ANK3: variants seen among roughly 807,000 people sequenced by gnomAD.
ANK3 encodes the protein ankyrin 3.
Under a neutral mutation model 370.9 loss-of-function variants are expected in ANK3, and 57 were observed. The observed-to-expected ratio is 0.15, with a 90% CI of 0.12 to 0.19. The LOEUF (loss-of-function observed/expected upper bound fraction) is 0.19. Ranked by LOEUF, ANK3 falls within the 10% of genes least tolerant of loss-of-function variation. ANK3 has a pLI of 1.00. For synonymous variants in ANK3, 1,929 were observed against 1,946.3 expected (o/e 0.99, Z 0.23); for missense variants, 4,439 against 5,302.1 (o/e 0.84, Z 5.06).
chr10:60,492,742 A>AG (rs1188624884), intron 2 of ANK3, among the ~76,000 whole-genome samples: 1 of 148,866 alleles, frequency 6.7e-6, no homozygotes, highest in Non-Finnish European at 1.5e-5. Flanking sequence ...AGAAAGAAAA[A>AG]AAAAAGAAAT....
chr10:60,685,199 T>G, intron 1 of ANK3: 1 of 408,934 alleles, frequency 2.4e-6, no homozygotes, highest in Non-Finnish European at 4.6e-6. Flanking sequence ...AAGCTTTGTA[T>G]TGTTCAATGA....
chr10:60,053,171 G>A (rs1164857580), intron 42 of ANK3, among the ~76,000 whole-genome samples: 1 of 152,178 alleles, frequency 6.6e-6, no homozygotes, highest in African/African-American at 2.4e-5. Context: ...ATTGTGGAAG[G>A]AAGCTTTGCA....
At chr10:60,208,974 G>A (rs972275724) in intron 9 of ANK3, among the ~76,000 whole-genome samples, 4 of 152,160 alleles carry the variant, frequency 2.6e-5, no homozygotes, top group South Asian at 4.1e-4. Flanking sequence ...AGTTAATCAC[G>A]TGCAGTAGGA....
chr10:60,543,012 T>C (rs1203552043), intron 2 of ANK3, among the ~76,000 whole-genome samples: 4 of 152,042 alleles, frequency 2.6e-5, no homozygotes, highest in Non-Finnish European at 5.9e-5. Context: ...GTAATCTTTC[T>C]AGTAAAATGT....
intron 43 of ANK3, among the ~76,000 whole-genome samples, chr10:60,030,501 A>C (rs775249815): frequency 5.9e-5 from 9 of 152,106 alleles, no homozygotes; most frequent in Non-Finnish European, 1.0e-4. Flanking sequence ...CACCCCCAGG[A>C]TGAAGGTCAC....
intron 16 of ANK3, among the ~76,000 whole-genome samples, chr10:60,195,487 T>A (rs560068717): frequency 6.6e-6 from 1 of 152,116 alleles, no homozygotes; most frequent in Non-Finnish European, 1.5e-5. Context: ...TGAAATGGTT[T>A]GCATCATTTC....
chr10:60,084,494 A>G (rs988569196), intron 32 of ANK3, 108 bp downstream of exon 32: 1 of 679,638 alleles, frequency 1.5e-6, no homozygotes, highest in African/African-American at 1.9e-5. Context: ...GTAAAAGTAA[A>G]ATCAATAATG....
intron 1 of ANK3, among the ~76,000 whole-genome samples, chr10:60,363,873 A>T (rs553725127): frequency 1.3e-5 from 2 of 152,256 alleles, no homozygotes; most frequent in East Asian, 3.9e-4. Flanking sequence ...ATAGAAAAAC[A>T]TCGTAAGTTT....
At chr10:60,682,759 G>A (rs1287248645) in intron 1 of ANK3, among the ~76,000 whole-genome samples, 1 of 152,176 alleles carries the variant, frequency 6.6e-6, no homozygotes, top group African/African-American at 2.4e-5. Flanking sequence ...TGTGCCAGGG[G>A]AGGGCTTGGA....
At position 60,329,561 on chromosome 10, in the gene ANK3, G is replaced by A. The variant is rs570891728; in HGVS notation, c.115-49922C>T. 1.4e-4 allele frequency among the ~76,000 whole-genome samples: 22 copies of A among 152,118 alleles called. No homozygotes were observed. In the East Asian group the frequency reaches 4.1e-3, roughly 28 times the overall value. On this transcript the variant is annotated intron_variant, in intron 1 of 43. Coordinates refer to ENST00000280772, the MANE Select transcript of ANK3 (RefSeq NM_020987.5). ...GGTACAAAGAGATTAAAATACCTAGGAATACAACTTACAAGGGATATGAAG... is the reference window on the plus strand; with the variant it reads ...GGTACAAAGAGATTAAAATACCTAGAAATACAACTTACAAGGGATATGAAG...
At chr10:60,679,610 C>T (rs1266077442) in intron 1 of ANK3, among the ~76,000 whole-genome samples, 1 of 152,140 alleles carries the variant, frequency 6.6e-6, no homozygotes, top group Non-Finnish European at 1.5e-5. Context: ...TGCACATGTG[C>T]CCCTCTCAAG....
chr10:60,601,760 T>C (rs1445216400), intron 2 of ANK3, among the ~76,000 whole-genome samples: 1 of 152,140 alleles, frequency 6.6e-6, no homozygotes, highest in Non-Finnish European at 1.5e-5. Flanking sequence ...TTTTGATAAA[T>C]GTGTCATGGT....
chr10:60,702,514 T>C (rs894131391), intron 1 of ANK3, among the ~76,000 whole-genome samples: 1 of 152,174 alleles, frequency 6.6e-6, no homozygotes, highest in Non-Finnish European at 1.5e-5. Context: ...ATTCTGGTGT[T>C]ACTATTCTTT....
chr10:60,123,699 T>C (rs2132144547), intron 25 of ANK3, among the ~76,000 whole-genome samples: 1 of 152,360 alleles, frequency 6.6e-6, no homozygotes, highest in South Asian at 2.1e-4. Flanking sequence ...GACAGGCTAA[T>C]GTTAACAGCA....
intron 1 of ANK3, among the ~76,000 whole-genome samples, chr10:60,332,118 T>G (rs748941582): frequency 1.3e-5 from 2 of 152,182 alleles, no homozygotes; most frequent in Non-Finnish European, 2.9e-5. Context: ...GGACATCAGC[T>G]AGTTACCATT....
upstream of ANK3, chr10:60,389,955 A>T (rs188818385): frequency 3.8e-5 from 24 of 639,772 alleles, no homozygotes; most frequent in Admixed American, 6.9e-4. Context: ...ATGCAGAAGC[A>T]AAAATCCAGC....
At chr10:60,175,398 TC>T (rs1333708119) in intron 18 of ANK3, among the ~76,000 whole-genome samples, 1 of 152,196 alleles carries the variant, frequency 6.6e-6, no homozygotes, top group African/African-American at 2.4e-5. Flanking sequence ...AGCAATTCTT[TC>T]CAATCAGCAG....
rs745795403 is a variant in ANK3 at position 60,270,112 on chromosome 10, G to GAA, written c.513+17_513+18dup. ...TATAAATACGTGAACTCACCCACAG[G>GAA]AAAAAAACAGTATCTTACCTCTGTG... On this transcript the variant is annotated intron_variant, in intron 5 of 43. Transcript: ENST00000280772. 1 of 1,503,892 alleles carries GAA rather than the reference G, an allele frequency of 6.6e-7. No individual in the cohort carries two copies. The highest frequency in any genetic ancestry group is 8.9e-7 in the Non-Finnish European group (1 of 1,118,750). 93.2% of individuals were successfully genotyped at this position (1,503,892 alleles called of 1,614,324 possible).
intron 38 of ANK3, among the ~76,000 whole-genome samples, chr10:60,066,976 G>A (rs2081777366): frequency 6.6e-6 from 1 of 152,144 alleles, no homozygotes; most frequent in Non-Finnish European, 1.5e-5. Context: ...CTGGAGTGCA[G>A]TGGTGCAATC....
Sources: gnomAD v4.1 joint callset for allele counts (sites outside exome capture counted in the v4.1 genomes callset) on GRCh38, gnomAD v4.1.1 for gene constraint, MANE v1.5 for transcripts, NCBI Gene and HGNC (gene_info 2026-07-23, HGNC 2026-07-21) for gene names.